PPP1R9A: variants seen among roughly 807,000 people sequenced by gnomAD.
The protein encoded by PPP1R9A is protein phosphatase 1 regulatory subunit 9A.
PPP1R9A carries 59 observed loss-of-function variants against 141.9 expected under a neutral mutation model. The ratio of observed to expected loss-of-function variants is 0.42; its 90% CI spans 0.34 to 0.52. The LOEUF is 0.52. PPP1R9A is among the 20% of genes least tolerant of loss of function. PPP1R9A has a pLI of 0.10. For missense variants in PPP1R9A, 1,444 were observed against 1,611.9 expected (o/e 0.90, Z 1.78); for synonymous variants, 500 against 569.7 (o/e 0.88, Z 1.74).
rs1348914390 is a variant in PPP1R9A, at chr7:95,197,938, T to G, written c.1755-411T>G. On this transcript the variant is annotated intron_variant, in intron 5 of 19. Coordinates refer to ENST00000433360, the MANE Select transcript of PPP1R9A (RefSeq NM_001166160.2). ...TGTTGGGATTATAGGCTTGAGCCAC[T>G]GAGCCCAGCCCTCAAAATGTTTTTG... Among the ~76,000 whole-genome samples, 34 of 152,206 alleles carry G rather than the reference T, an allele frequency of 2.2e-4. 1 individual carries two copies. Among genetic ancestry groups the G allele is most frequent in the Non-Finnish European group, 2.9e-5 (2 of 68,034 alleles).
At chr7:95,034,563 A>T (rs1808177731) in intron 2 of PPP1R9A, among the ~76,000 whole-genome samples, 1 of 152,082 alleles carries the variant, frequency 6.6e-6, no homozygotes, top group South Asian at 2.1e-4. Flanking sequence ...ACGTTGGTCC[A>T]GCTGGTCTCG....
intron 2 of PPP1R9A, among the ~76,000 whole-genome samples, chr7:95,031,713 A>ATCGCTGCAGTGAGCTAAGATTGCC (rs1646079710): frequency 6.6e-6 from 1 of 151,748 alleles, no homozygotes; most frequent in Non-Finnish European, 1.5e-5. Flanking sequence ...CTAAGATTGC[A>ATCGCTGCAGTGAGCTAAGATTGCC]TCACTGCACT....
At chr7:94,993,634 AT>A (rs1290473711) in intron 2 of PPP1R9A, among the ~76,000 whole-genome samples, 2 of 151,966 alleles carry the variant, frequency 1.3e-5, no homozygotes, top group Non-Finnish European at 2.9e-5. Flanking sequence ...ATTCCTAAAT[AT>A]TTCCTATTTT....
intron 2 of PPP1R9A, among the ~76,000 whole-genome samples, chr7:95,108,307 CTTTTTTTT>C (rs1166103728): frequency 8.4e-5 from 5 of 59,596 alleles, no homozygotes; most frequent in Admixed American, 4.4e-4. Context: ...CGTTTCTTTT[CTTTTTTTT>C]TTTTTTTTTT....
chr7:95,161,370 T>C (rs1307630176), intron 4 of PPP1R9A, among the ~76,000 whole-genome samples: 1 of 152,174 alleles, frequency 6.6e-6, no homozygotes, highest in Non-Finnish European at 1.5e-5. Flanking sequence ...TTAATGGAAA[T>C]AGTCTTTTTA....
Position 95,164,741 on chromosome 7 carries a change from CTTTTTTTT to C in PPP1R9A, c.1754+2783_1754+2790del, listed in dbSNP as rs200177321. Among the ~76,000 whole-genome samples the C allele has an allele frequency of 5.2e-3, 347 of 66,186 alleles. 2 individuals are homozygous for C. Among genetic ancestry groups the C allele is most frequent in the African/African-American group, 0.018 (291 of 15,900 alleles). The allele number at this position is 66,186 out of a possible 152,430, so 43.4% of individuals were successfully genotyped here. On this transcript the variant is annotated intron_variant, in intron 5 of 19. Coordinates refer to ENST00000433360, the MANE Select transcript of PPP1R9A (RefSeq NM_001166160.2). The stretch of plus-strand genomic sequence containing the variant: ...ACCATGGTTTTTTTTCTTTTCTTTT[CTTTTTTTT>C]TTTTTTTTTTTTCAGGCATGGCCTA...
chr7:95,233,447 G>A lies in PPP1R9A; in HGVS notation c.2112+7331G>A, dbSNP rs556884215. Among the ~76,000 whole-genome samples, 9 of 152,072 alleles carry A rather than the reference G, an allele frequency of 5.9e-5. 1 individual carries two copies. The South Asian group carries it at 8.3e-4, about 14-fold the overall frequency. On this transcript the variant is annotated intron_variant, in intron 8 of 19. Coordinates refer to ENST00000433360, the MANE Select transcript of PPP1R9A (RefSeq NM_001166160.2). The stretch of plus-strand genomic sequence containing the variant: ...GGGTTGATGGGTGCAGCAGCCTACC[G>A]TGGCACATGTATACCTATGTAACAA...
intron 2 of PPP1R9A, among the ~76,000 whole-genome samples, chr7:94,987,792 A>T (rs1428473880): frequency 6.6e-6 from 1 of 152,054 alleles, no homozygotes; most frequent in Non-Finnish European, 1.5e-5. Flanking sequence ...TTGTTAGCTT[A>T]TTTGCTAACT....
In PPP1R9A at chr7:95,268,607, G is replaced by C. The variant is rs368532221; in HGVS notation, c.2723G>C (p.Arg908Pro). The C allele has an allele frequency of 6.2e-7, 1 of 1,613,402 alleles. No individual in the cohort carries two copies. Among genetic ancestry groups the C allele is most frequent in the Admixed American group, 1.7e-5 (1 of 59,950 alleles). ...CTGGATTCAAAAGCACTGAAAACTCGAGCCCAGCTCTCTGTGAAGAACAGA... is the reference window on the plus strand; with the variant it reads ...CTGGATTCAAAAGCACTGAAAACTCCAGCCCAGCTCTCTGTGAAGAACAGA... ...ERLDSKALKT[R>P]AQLSVKNRRQ... is the part of the protein sequence containing the mutation. The change falls in exon 13 of 20, where the codon CGA (arginine) becomes CCA (proline). Residue 908 changes from arginine to proline, a missense_variant. Physicochemically the swap from Arg to Pro is moderately radical, Grantham distance 103. Transcript: ENST00000433360.
chr7:94,975,214 G>C (rs1423689212), intron 2 of PPP1R9A, among the ~76,000 whole-genome samples: 1 of 152,048 alleles, frequency 6.6e-6, no homozygotes, highest in Non-Finnish European at 1.5e-5. Flanking sequence ...ATGAATCACT[G>C]TGATAAAGGA....
At chr7:95,165,655 G>A (rs1364231728) in intron 5 of PPP1R9A, among the ~76,000 whole-genome samples, 2 of 152,106 alleles carry the variant, frequency 1.3e-5, no homozygotes, top group African/African-American at 4.8e-5. Flanking sequence ...CACATATTTT[G>A]GTACCTGAAT....
intron 2 of PPP1R9A, among the ~76,000 whole-genome samples, chr7:95,105,730 A>G (rs1819422048): frequency 6.6e-6 from 1 of 152,198 alleles, no homozygotes; most frequent in African/African-American, 2.4e-5. Context: ...AAAATAATAG[A>G]ACTATTGTAA....
chr7:94,994,960 T>G lies in PPP1R9A; in HGVS notation c.1395+83452T>G, dbSNP rs185363723. Among the ~76,000 whole-genome samples, 141 of 152,230 alleles carry G rather than the reference T, an allele frequency of 9.3e-4. 3 individuals are homozygous for G. Among genetic ancestry groups the G allele is most frequent in the African/African-American group, 3.2e-3 (133 of 41,560 alleles). On this transcript the variant is annotated intron_variant, in intron 2 of 19. Transcript: ENST00000433360. Reference sequence around the variant, plus strand: ...TCAAGGTAAGCCAAATTTGCATTTTTGGGATAAAACTCACATGGTCATAAT... The same window carrying G: ...TCAAGGTAAGCCAAATTTGCATTTTGGGGATAAAACTCACATGGTCATAAT...
rs573223725 is a variant in PPP1R9A at position 95,215,421 on chromosome 7, A to G, written c.1957-10540A>G. ...AGTCCTTGCTATTGTGAATAGTGCC[A>G]CAATAAACATACGTGTGCATGTGTC... is the stretch of plus-strand genomic sequence containing the variant. On this transcript the variant is annotated intron_variant, in intron 7 of 19. Coordinates refer to ENST00000433360, the MANE Select transcript of PPP1R9A (RefSeq NM_001166160.2). Among the ~76,000 whole-genome samples the G allele has an allele frequency of 4.6e-3, 697 of 152,156 alleles. 4 individuals carry two copies. Among genetic ancestry groups the G allele is most frequent in the African/African-American group, 0.015 (629 of 41,512 alleles).
chr7:95,000,583 G>A (rs1802785582), intron 2 of PPP1R9A, among the ~76,000 whole-genome samples: 1 of 151,350 alleles, frequency 6.6e-6, no homozygotes, highest in African/African-American at 2.4e-5. Flanking sequence ...CCTACCTATT[G>A]GAAATATAAT....
intron 2 of PPP1R9A, among the ~76,000 whole-genome samples, chr7:94,945,239 T>C (rs1018977779): frequency 3.3e-5 from 5 of 152,120 alleles, no homozygotes; most frequent in African/African-American, 9.6e-5. Flanking sequence ...CTGGTGCTTT[T>C]CTTTCCTTTT....
rs1416803596 is a variant in PPP1R9A, at chr7:95,111,253, C to T, written c.1396-6C>T. ...GTATTATCATCTTGTTGGCCTCTTA[C>T]TACAGGTTTTCAACACATACTCCAA... On this transcript the variant is annotated splice_region_variant and splice_polypyrimidine_tract_variant and intron_variant, in intron 2 of 19. Coordinates refer to ENST00000433360, the MANE Select transcript of PPP1R9A (RefSeq NM_001166160.2). 1.9e-6 allele frequency: 3 copies of T among 1,585,202 alleles called. No homozygotes were observed. The highest frequency in any genetic ancestry group is 3.5e-5 in the Admixed American group (2 of 57,544).
chr7:95,077,990 TA>T (rs35232214), intron 2 of PPP1R9A, among the ~76,000 whole-genome samples: 7,952 of 146,908 alleles, frequency 0.054, 640 homozygotes, highest in African/African-American at 0.18. Context: ...TTTTTTTTTT[TA>T]ATTATACTTT....
intron 4 of PPP1R9A, among the ~76,000 whole-genome samples, chr7:95,131,789 A>G (rs1339164884): frequency 6.6e-6 from 1 of 151,992 alleles, no homozygotes; most frequent in African/African-American, 2.4e-5. Flanking sequence ...CAGTATGGCC[A>G]TTTTGCTGAT....
Sources: allele counts gnomAD v4.1 joint callset (sites outside exome capture counted in the v4.1 genomes callset), GRCh38; gene constraint gnomAD v4.1.1; transcripts MANE v1.5; gene names NCBI Gene and HGNC (gene_info 2026-07-23, HGNC 2026-07-21).